GPM6A: variants seen among roughly 807,000 people sequenced by gnomAD.
The protein encoded by GPM6A is glycoprotein M6A.
Under a neutral mutation model 32.1 loss-of-function variants are expected in GPM6A, and 7 were observed. The ratio of observed to expected loss-of-function variants is 0.22; its 90% CI spans 0.12 to 0.41. GPM6A has a LOEUF of 0.41. Among genes scored for constraint, GPM6A ranks in the 10% least tolerant of loss-of-function variants. GPM6A has a pLI of 1.00. For missense variants in GPM6A, 235 were observed against 347.2 expected (o/e 0.68, Z 2.57); for synonymous variants, 130 against 123.4 (o/e 1.05, Z -0.35).
At chr4:175,941,234 A>G (rs964583828) in intron 1 of GPM6A, among the ~76,000 whole-genome samples, 4 of 152,222 alleles carry the variant, frequency 2.6e-5, no homozygotes, top group Non-Finnish European at 5.9e-5. Flanking sequence ...AATGAACATC[A>G]TTTTAATAAT....
chr4:175,741,431 G>A (rs947324858), intron 1 of GPM6A, among the ~76,000 whole-genome samples: 2 of 152,028 alleles, frequency 1.3e-5, no homozygotes, highest in African/African-American at 4.8e-5. Flanking sequence ...ACCATTCTTA[G>A]TTTTAACGTA....
chr4:175,983,205 A>T (rs542673217), intron 1 of GPM6A, among the ~76,000 whole-genome samples: 40 of 152,352 alleles, frequency 2.6e-4, no homozygotes, highest in Middle Eastern at 3.4e-3. Flanking sequence ...AAGGACCTCC[A>T]ACTCTTCAAG....
At chr4:175,996,777 T>C (rs1012764931) in intron 1 of GPM6A, among the ~76,000 whole-genome samples, 1 of 152,200 alleles carries the variant, frequency 6.6e-6, no homozygotes, top group African/African-American at 2.4e-5. Context: ...TTTTCAGTTG[T>C]AAACCCAATG....
intron 1 of GPM6A, among the ~76,000 whole-genome samples, chr4:175,846,552 ATTATAATTT>A (rs1736093682): frequency 6.6e-6 from 1 of 152,150 alleles, no homozygotes; most frequent in South Asian, 2.1e-4. Flanking sequence ...CAAGTGAGTG[ATTATAATTT>A]CACTTTCAAA....
intron 1 of GPM6A, among the ~76,000 whole-genome samples, chr4:175,895,417 G>C (rs1249713015): frequency 6.6e-6 from 1 of 152,086 alleles, no homozygotes; most frequent in Non-Finnish European, 1.5e-5. Flanking sequence ...TGGTGAATAA[G>C]TTAACTTTTC....
intron 1 of GPM6A, among the ~76,000 whole-genome samples, chr4:176,001,325 G>C (rs909959983): frequency 3.3e-5 from 5 of 152,184 alleles, no homozygotes; most frequent in East Asian, 1.9e-4. Context: ...GAGTAACTCG[G>C]GCTGCGGGCT....
intron 1 of GPM6A, among the ~76,000 whole-genome samples, chr4:175,949,569 T>C (rs1245695346): frequency 6.6e-6 from 1 of 151,978 alleles, no homozygotes; most frequent in African/African-American, 2.4e-5. Flanking sequence ...TGATTTTTTA[T>C]CTAAGAAACT....
At chr4:175,664,633 A>G (rs1742631160) in intron 3 of GPM6A, among the ~76,000 whole-genome samples, 1 of 152,186 alleles carries the variant, frequency 6.6e-6, no homozygotes, top group Non-Finnish European at 1.5e-5. Flanking sequence ...TTTTGCATCT[A>G]CTTAACCTCT....
chr4:175,665,989 G>A (rs1484757799), intron 3 of GPM6A, among the ~76,000 whole-genome samples: 1 of 150,428 alleles, frequency 6.6e-6, no homozygotes, highest in Non-Finnish European at 1.5e-5. Context: ...CATGATCTCG[G>A]CTCACTGCAA....
intron 1 of GPM6A, among the ~76,000 whole-genome samples, chr4:175,850,436 T>G (rs1736217467): frequency 6.6e-6 from 1 of 152,168 alleles, no homozygotes; most frequent in African/African-American, 2.4e-5. Context: ...ACCAGGATGA[T>G]TAAAGGATGA....
chr4:175,814,634 G>A (rs763857587), upstream of GPM6A, among the ~76,000 whole-genome samples: 7 of 152,078 alleles, frequency 4.6e-5, no homozygotes, highest in Non-Finnish European at 5.9e-5. Flanking sequence ...TTTTTCATGT[G>A]ACAATTGTTA....
At chr4:175,908,339 C>T (rs1738196752) in intron 1 of GPM6A, among the ~76,000 whole-genome samples, 1 of 152,052 alleles carries the variant, frequency 6.6e-6, no homozygotes, top group South Asian at 2.1e-4. Flanking sequence ...CTTATCTGAC[C>T]TTGAACATGC....
At chr4:175,841,974 A>G (rs1735950806) in intron 1 of GPM6A, among the ~76,000 whole-genome samples, 1 of 152,142 alleles carries the variant, frequency 6.6e-6, no homozygotes, top group Admixed American at 6.5e-5. Context: ...GTGCTCCTTC[A>G]TGAATATACA....
At chr4:175,698,708 T>G (rs968870582) in intron 2 of GPM6A, among the ~76,000 whole-genome samples, 1 of 152,198 alleles carries the variant, frequency 6.6e-6, no homozygotes, top group Non-Finnish European at 1.5e-5. Flanking sequence ...TTTAGTAATG[T>G]GAAATATGAA....
intron 1 of GPM6A, among the ~76,000 whole-genome samples, chr4:175,938,449 C>T (rs1192568087): frequency 6.6e-6 from 1 of 152,202 alleles, no homozygotes; most frequent in Non-Finnish European, 1.5e-5. Context: ...GCCATTCTAA[C>T]TGGCTTCAGA....
chr4:175,791,770 C>T (rs952917954), intron 1 of GPM6A, among the ~76,000 whole-genome samples: 13 of 152,084 alleles, frequency 8.5e-5, no homozygotes, highest in Admixed American at 6.5e-4. Flanking sequence ...CACACACACA[C>T]GCACACACAG....
rs972374728 is a variant in GPM6A at position 175,678,607 on chromosome 4, C to T, written c.231-4771G>A. Among the ~76,000 whole-genome samples the T allele has an allele frequency of 2.6e-5, 4 of 152,102 alleles. No homozygotes were observed. The East Asian group carries it at 7.7e-4, about 29-fold the overall frequency. ...ATGTCCCAGAGCAATTGTTTAGTGG[C>T]TGACTTTCACTGCCTGAAAGTCTAA... On this transcript the variant is annotated intron_variant, in intron 2 of 6. Coordinates refer to ENST00000393658, the MANE Select transcript of GPM6A (RefSeq NM_201591.3).
intron 1 of GPM6A, among the ~76,000 whole-genome samples, chr4:175,834,250 C>T (rs183379763): frequency 1.3e-5 from 2 of 152,290 alleles, no homozygotes; most frequent in East Asian, 1.9e-4. Flanking sequence ...ATTCTGGCTT[C>T]GAGCCTGGCA....
chr4:175,993,379 T>C (rs114216051), intron 1 of GPM6A, among the ~76,000 whole-genome samples: 1,623 of 152,236 alleles, frequency 0.011, 25 homozygotes, highest in African/African-American at 0.037. Context: ...AACTCTTTTT[T>C]TTTCTTTGAT....
Sources: gnomAD v4.1 joint callset for allele counts (sites outside exome capture counted in the v4.1 genomes callset) on GRCh38, gnomAD v4.1.1 for gene constraint, MANE v1.5 for transcripts, NCBI Gene and HGNC (gene_info 2026-07-23, HGNC 2026-07-21) for gene names.